The following FAT1 variants were observed in gnomAD, a reference collection of about 807,000 sequenced individuals.
FAT1 encodes the protein protocadherin Fat 1.
A neutral mutation model predicts 329.8 loss-of-function variants in FAT1; 171 were observed. That is an observed-to-expected ratio of 0.52 (90% CI 0.46 to 0.59). The LOEUF is 0.59. Among genes scored for constraint, FAT1 ranks in the 20% least tolerant of loss-of-function variants. The pLI, the probability that FAT1 is intolerant of heterozygous loss-of-function variation, is 0.00. For missense variants in FAT1, 5,672 were observed against 5,774.4 expected, an observed-to-expected ratio of 0.98 and a Z score of 0.57; for synonymous variants, 2,233 against 2,228.6, an observed-to-expected ratio of 1.00 and a Z score of -0.06.
At chr4:186,642,615 C>T (rs1741155320) in intron 3 of FAT1, among the ~76,000 whole-genome samples, 1 of 152,116 alleles carries the variant, frequency 6.6e-6, no homozygotes, top group Non-Finnish European at 1.5e-5. Context: ...CAGCGTGTGC[C>T]AGGTGCTGCG....
rs370110975 is a variant in FAT1 at position 186,706,732 on chromosome 4, G to A, written c.3096C>T (p.Pro1032=). The change falls in exon 2 of 27, where the codon CCC becomes CCT. Residue 1032 remains proline, a synonymous_variant. Transcript: ENST00000441802. ...VVDVNENLHP[P]VFSSFVEKGT... is the part of the protein sequence containing the mutation. ...CCTTTTCCACAAAGCTGGAAAACACGGGTGGGTGCAGGTTCTCATTCACAT... is the reference window on the plus strand; with the variant it reads ...CCTTTTCCACAAAGCTGGAAAACACAGGTGGGTGCAGGTTCTCATTCACAT... The A allele has an allele frequency of 1.1e-5, 18 of 1,613,826 alleles. No individual in the cohort carries two copies. The highest frequency in any genetic ancestry group is 1.6e-4 in the Middle Eastern group (1 of 6,084).
intron 1 of FAT1, among the ~76,000 whole-genome samples, chr4:186,714,236 G>A (rs1267080208): frequency 1.3e-5 from 2 of 150,818 alleles, no homozygotes; most frequent in African/African-American, 4.9e-5. Context: ...GGGGGTGGGG[G>A]GCAGATTGTG....
intron 2 of FAT1, among the ~76,000 whole-genome samples, chr4:186,702,168 C>T (rs910932347): frequency 5.9e-5 from 9 of 152,258 alleles, no homozygotes; most frequent in African/African-American, 2.2e-4. Flanking sequence ...CGTGTGAATG[C>T]AGCCATTTTC....
intron 4 of FAT1, 116 bp downstream of exon 4, chr4:186,639,606 T>G: frequency 1.5e-6 from 1 of 684,166 alleles, no homozygotes. Flanking sequence ...GTAAATAATA[T>G]TAATACAACA....
chr4:186,633,549 A>T, intron 7 of FAT1, 135 bp downstream of exon 7: 1 of 782,918 alleles, frequency 1.3e-6, no homozygotes, highest in Non-Finnish European at 2.0e-6. Flanking sequence ...AAAAATTCTT[A>T]GTGTGCATGT....
At chr4:186,703,047 T>A (rs1744402017) in intron 2 of FAT1, among the ~76,000 whole-genome samples, 1 of 152,162 alleles carries the variant, frequency 6.6e-6, no homozygotes, top group Non-Finnish European at 1.5e-5. Context: ...ATTGTTCACA[T>A]GGCCCTCTCC....
At chr4:186,636,328 A>G in intron 5 of FAT1, 93 bp from the exon 6 acceptor site, 1 of 1,176,084 alleles carries the variant, frequency 8.5e-7, no homozygotes, top group Non-Finnish European at 1.2e-6. Flanking sequence ...TCTTAAACTG[A>G]GCCAATTTCA....
chr4:186,592,709 G>A (rs1182492205), intron 26 of FAT1: 1 of 456,718 alleles, frequency 2.2e-6, no homozygotes, highest in South Asian at 1.5e-5. Context: ...TGCTCACCGT[G>A]TCAACCACAG....
intron 1 of FAT1, among the ~76,000 whole-genome samples, chr4:186,712,215 G>A (rs1206593833): frequency 6.6e-6 from 1 of 152,176 alleles, no homozygotes; most frequent in Admixed American, 6.5e-5. Flanking sequence ...GAGAAGGGGG[G>A]TAGATACAAT....
In FAT1 at chr4:186,589,188, T is replaced by C. The variant is rs774685734; in HGVS notation, c.13171A>G (p.Ser4391Gly). 14 of 1,613,248 alleles carry C rather than the reference T, an allele frequency of 8.7e-6. No individual in the cohort carries two copies. Among genetic ancestry groups the C allele is most frequent in the Admixed American group, 3.3e-5 (2 of 59,942 alleles). The change falls in exon 27 of 27, where the codon AGC becomes GGC. Residue 4391 changes from serine (S) to glycine (G), a missense_variant. Around this residue, in one of 2 missense-constraint regions of FAT1, gnomAD observed 1,706 missense variants for 1,859.1 expected, o/e 0.92. Transcript: ENST00000441802. Reference sequence around the variant, plus strand: ...TCTTGTATGTCCGGCAGAGGAACGCTTGGCATCCAATCTGATGTATCCCAG... The same window carrying C: ...TCTTGTATGTCCGGCAGAGGAACGCCTGGCATCCAATCTGATGTATCCCAG... ...YHWDTSDWMP[S>G]VPLPDIQEFP...
At chr4:186,709,933 T>A (rs2126707392) in intron 1 of FAT1, 88 bp from the exon 2 acceptor site, 3 of 1,221,360 alleles carry the variant, frequency 2.5e-6, no homozygotes, top group South Asian at 3.3e-5. Context: ...ATTAAAAAAA[T>A]ATTTTCCATA....
chr4:186,662,031 C>G lies in FAT1; in HGVS notation c.3580+1268G>C, dbSNP rs180916148. 4.9e-3 allele frequency among the ~76,000 whole-genome samples: 748 copies of G among 151,322 alleles called. 4 individuals are homozygous for G. Among genetic ancestry groups the G allele is most frequent in the Non-Finnish European group, 6.9e-3 (467 of 67,814 alleles). ...TCCCCCCCGCCCCCCGGCCAGCCCC[C>G]CAAACACACACTTGGTCCCAGAAGT... is the stretch of plus-strand genomic sequence containing the variant. On this transcript the variant is annotated intron_variant, in intron 3 of 26. Transcript: ENST00000441802.
At chr4:186,610,399 G>A (rs930602106) in intron 14 of FAT1, among the ~76,000 whole-genome samples, 14 of 151,424 alleles carry the variant, frequency 9.2e-5, no homozygotes, top group African/African-American at 3.2e-4. Context: ...TTCATTTTTT[G>A]TCTCATCTTT....
At chr4:186,658,519 T>G (rs2126607896) in intron 3 of FAT1, among the ~76,000 whole-genome samples, 1 of 152,304 alleles carries the variant, frequency 6.6e-6, no homozygotes, top group South Asian at 2.1e-4. Context: ...TTATTTAAGT[T>G]TATCCAAAAT....
chr4:186,657,256 A>G (rs1309585496), intron 3 of FAT1, among the ~76,000 whole-genome samples: 2 of 152,266 alleles, frequency 1.3e-5, no homozygotes, highest in Non-Finnish European at 2.9e-5. Flanking sequence ...GTGAGTGGAT[A>G]AACAAATTAT....
intron 6 of FAT1, among the ~76,000 whole-genome samples, chr4:186,635,097 A>C (rs1017432777): frequency 3.9e-5 from 6 of 152,242 alleles, no homozygotes; most frequent in African/African-American, 1.2e-4. Context: ...AAAACAGCCA[A>C]AGCATTTAGC....
chr4:186,644,667 A>C (rs1048666365), intron 3 of FAT1, among the ~76,000 whole-genome samples: 4 of 127,274 alleles, frequency 3.1e-5, no homozygotes, highest in African/African-American at 1.2e-4. Context: ...AGAATGTCAG[A>C]TCAGCTATGT....
rs537346675 is a variant in FAT1, at chr4:186,691,853, G to A, written c.3265+14710C>T. On this transcript the variant is annotated intron_variant, in intron 2 of 26. Transcript: ENST00000441802. ...AAAAAAAACAGAAACAAGACGATTC[G>A]TTCTGACATTTAATGATCACTGAAC... 4.1e-4 allele frequency among the ~76,000 whole-genome samples: 62 copies of A among 151,986 alleles called. 1 individual carries two copies. Among genetic ancestry groups the A allele is most frequent in the South Asian group, 1.2e-3 (6 of 4,820 alleles).
At chr4:186,632,034 G>A (rs561652024) in intron 7 of FAT1, among the ~76,000 whole-genome samples, 3 of 152,300 alleles carry the variant, frequency 2.0e-5, no homozygotes, top group Non-Finnish European at 2.9e-5. Flanking sequence ...CTCTGCCAGC[G>A]ATTAGGATAG....
Sources: gnomAD v4.1 joint callset for allele counts (sites outside exome capture counted in the v4.1 genomes callset) on GRCh38, gnomAD v4.1.1 for gene constraint, gnomAD v4.1.1 regional missense constraint, MANE v1.5 for transcripts, NCBI Gene and HGNC (gene_info 2026-07-23, HGNC 2026-07-21) for gene names.